CCSER1: variants seen among roughly 807,000 people sequenced by gnomAD.
CCSER1 encodes the protein coiled-coil serine rich protein 1.
A neutral mutation model predicts 82.0 loss-of-function variants in CCSER1; 41 were observed. The observed-to-expected ratio is 0.50, with a 90% CI of 0.39 to 0.65. The LOEUF (loss-of-function observed/expected upper bound fraction) is 0.65, where lower values mean the gene tolerates loss of function less well. Among genes scored for constraint, CCSER1 ranks in the 30% least tolerant of loss-of-function variants. CCSER1 has a pLI of 0.00. For missense variants in CCSER1, 1,119 were observed against 1,064.2 expected (o/e 1.05, Z -0.72); for synonymous variants, 414 against 383.9 (o/e 1.08, Z -0.92).
chr4:90,757,279 G>A (rs1301115623), intron 7 of CCSER1, among the ~76,000 whole-genome samples: 4 of 152,180 alleles, frequency 2.6e-5, no homozygotes, highest in Non-Finnish European at 5.9e-5. Flanking sequence ...ACAGCAAAGG[G>A]AAAGCAGAAA....
intron 4 of CCSER1, among the ~76,000 whole-genome samples, chr4:90,401,905 C>A (rs6836040): frequency 2.0e-3 from 300 of 152,292 alleles, no homozygotes; most frequent in African/African-American, 6.9e-3. Flanking sequence ...AAACCAAACC[C>A]ACTGATCAAT....
intron 8 of CCSER1, among the ~76,000 whole-genome samples, chr4:90,870,212 A>G (rs1766279364): frequency 6.6e-6 from 1 of 151,970 alleles, no homozygotes; most frequent in African/African-American, 2.4e-5. Context: ...TGCTCTAGCT[A>G]GGACTTCCAG....
chr4:91,395,832 C>G (rs772078708), intron 10 of CCSER1, among the ~76,000 whole-genome samples: 15 of 152,088 alleles, frequency 9.9e-5, no homozygotes, highest in Non-Finnish European at 1.6e-4. Context: ...GGGCTCAAGA[C>G]TATGCCTCAA....
intron 3 of CCSER1, among the ~76,000 whole-genome samples, chr4:90,393,262 T>C (rs13104752): frequency 1.3e-5 from 2 of 152,200 alleles, no homozygotes; most frequent in African/African-American, 4.8e-5. Flanking sequence ...TCAGAATGTT[T>C]GTGTTTAGAC....
At chr4:90,973,592 A>G (rs1022164331) in intron 9 of CCSER1, among the ~76,000 whole-genome samples, 8 of 151,732 alleles carry the variant, frequency 5.3e-5, no homozygotes, top group Non-Finnish European at 8.8e-5. Context: ...ATTATGAAAA[A>G]CAGTATGGAG....
At chr4:90,409,181 A>G (rs923823499) in intron 4 of CCSER1, among the ~76,000 whole-genome samples, 4 of 152,264 alleles carry the variant, frequency 2.6e-5, no homozygotes, top group Non-Finnish European at 5.9e-5. Context: ...GACAGGGAGA[A>G]TGGAACCAAG....
chr4:90,484,183 C>T (rs1766584796), intron 5 of CCSER1, among the ~76,000 whole-genome samples: 1 of 151,518 alleles, frequency 6.6e-6, no homozygotes, highest in South Asian at 2.1e-4. Flanking sequence ...GAGGCTTGTG[C>T]ATTCATCACG....
intron 10 of CCSER1, among the ~76,000 whole-genome samples, chr4:91,320,227 GA>G (rs1358617737): frequency 6.6e-6 from 1 of 151,860 alleles, no homozygotes; most frequent in Non-Finnish European, 1.5e-5. Context: ...TCATAAGGAG[GA>G]AAAAACATTC....
chr4:90,299,195 T>A (rs766284957), intron 1 of CCSER1, among the ~76,000 whole-genome samples: 1 of 152,102 alleles, frequency 6.6e-6, no homozygotes, highest in Non-Finnish European at 1.5e-5. Context: ...TTGTAGCTTT[T>A]CCCATTGTCA....
chr4:90,803,077 C>A (rs1348304189), intron 7 of CCSER1, among the ~76,000 whole-genome samples: 1 of 152,092 alleles, frequency 6.6e-6, no homozygotes, highest in African/African-American at 2.4e-5. Flanking sequence ...CAAAGAAAGT[C>A]ATGATGACTC....
intron 10 of CCSER1, among the ~76,000 whole-genome samples, chr4:91,457,381 A>T (rs1756238828): frequency 6.6e-6 from 1 of 152,080 alleles, no homozygotes; most frequent in Non-Finnish European, 1.5e-5. Context: ...TTAAAATTTT[A>T]ATTGGCTAGG....
chr4:91,070,387 C>T (rs989150554), intron 9 of CCSER1, among the ~76,000 whole-genome samples: 2 of 152,306 alleles, frequency 1.3e-5, no homozygotes, highest in Non-Finnish European at 2.9e-5. Flanking sequence ...TATTTCTAAA[C>T]ATTGCAAGTT....
intron 10 of CCSER1, among the ~76,000 whole-genome samples, chr4:91,297,365 T>TTGTGTGTGTATGTGTGTGTA (rs1744265937): frequency 7.8e-6 from 1 of 128,814 alleles, no homozygotes; most frequent in Non-Finnish European, 1.7e-5. Flanking sequence ...GAATGGATGC[T>TTGTGTGTGTATGTGTGTGTA]TGTGTGTGTG....
chr4:90,189,271 T>G (rs1735184404), intron 1 of CCSER1, among the ~76,000 whole-genome samples: 3 of 151,916 alleles, frequency 2.0e-5, no homozygotes, highest in African/African-American at 7.2e-5. Context: ...CACCTCTGAG[T>G]CTATTACAAG....
At chr4:90,996,892 C>A (rs1737544124) in intron 9 of CCSER1, among the ~76,000 whole-genome samples, 1 of 152,026 alleles carries the variant, frequency 6.6e-6, no homozygotes, top group Non-Finnish European at 1.5e-5. Flanking sequence ...GTTTGTTTAA[C>A]CATTCACCCC....
chr4:91,286,927 TTG>T lies in CCSER1; in HGVS notation c.2217+200935_2217+200936del, dbSNP rs1352758947. ...TATGAATGAAAGGAGCACCAAATGT[TTG>T]TAAGTTGTCTATTCAGGAGTAGTTA... On this transcript the variant is annotated intron_variant, in intron 10 of 10. Coordinates refer to ENST00000509176, the MANE Select transcript of CCSER1 (RefSeq NM_001145065.2). Among the ~76,000 whole-genome samples the T allele has an allele frequency of 2.6e-5, 4 of 151,868 alleles. No homozygotes were observed. In the East Asian group the frequency reaches 7.7e-4, roughly 29 times the overall value.
chr4:90,320,572 G>A lies in CCSER1; in HGVS notation c.1509+7525G>A, dbSNP rs189804465. ...GACAAGAAATAGTCAAATATTTGTGGTATTCATTAAGCCCATTAAAATATA... is the reference window on the plus strand; with the variant it reads ...GACAAGAAATAGTCAAATATTTGTGATATTCATTAAGCCCATTAAAATATA... On this transcript the variant is annotated intron_variant, in intron 3 of 10. Coordinates refer to ENST00000509176, the MANE Select transcript of CCSER1 (RefSeq NM_001145065.2). Among the ~76,000 whole-genome samples the A allele has an allele frequency of 2.4e-3, 363 of 152,216 alleles. 3 individuals carry two copies. The highest frequency in any genetic ancestry group is 8.4e-3 in the African/African-American group (349 of 41,552).
At chr4:90,955,176 T>C (rs547542811) in intron 9 of CCSER1, among the ~76,000 whole-genome samples, 2 of 152,320 alleles carry the variant, frequency 1.3e-5, no homozygotes, top group Admixed American at 1.3e-4. Flanking sequence ...ATGTTTTTCA[T>C]TGCTATACCC....
chr4:91,403,563 C>T lies in CCSER1; in HGVS notation c.2218-195009C>T, dbSNP rs533706147. 3.3e-5 allele frequency among the ~76,000 whole-genome samples: 5 copies of T among 152,182 alleles called. No homozygotes were observed. The South Asian group carries it at 6.2e-4, about 19-fold the overall frequency. ...AAATAGCTCTTGTTATTTTGAGATA[C>T]GTCCCATCGATACCTAATTTATTGA... On this transcript the variant is annotated intron_variant, in intron 10 of 10. Transcript: ENST00000509176.
Sources: gnomAD v4.1 joint callset for allele counts (sites outside exome capture counted in the v4.1 genomes callset) on GRCh38, gnomAD v4.1.1 for gene constraint, MANE v1.5 for transcripts, NCBI Gene and HGNC (gene_info 2026-07-23, HGNC 2026-07-21) for gene names.